The following SZT2 variants were observed in gnomAD, a reference collection of about 807,000 sequenced individuals.
SZT2 encodes SZT2 subunit of KICSTOR complex, also known as KICSTOR complex protein SZT2.
Under a neutral mutation model 404.2 loss-of-function variants are expected in SZT2, and 216 were observed. That is an observed-to-expected ratio of 0.53 (90% CI 0.48 to 0.60). SZT2 has a LOEUF of 0.60. Among genes scored for constraint, SZT2 ranks in the 20% least tolerant of loss-of-function variants. SZT2 has a pLI of 0.00. For missense variants in SZT2, 3,857 were observed against 4,459.2 expected (o/e 0.86, Z 3.85); for synonymous variants, 1,693 against 1,749.9 (o/e 0.97, Z 0.81).
Position 43,442,130 on chromosome 1 carries a change from G to A in SZT2, c.7873G>A (p.Ala2625Thr), listed in dbSNP as rs1655125095. 2.5e-6 allele frequency: 4 copies of A among 1,613,252 alleles called. No homozygotes were observed. The highest frequency in any genetic ancestry group is 3.4e-6 in the Non-Finnish European group (4 of 1,179,602). Reference protein sequence around the residue: ...FLQWRRPTQQAAKAMQRFEPG... With the variant: ...FLQWRRPTQQTAKAMQRFEPG... ...GCAGTGGAGGAGACCAACACAGCAG[G>A]GTGAGGGCATGGCCCGGGGGGGCGG... Residue 2625 changes from alanine to threonine, a missense_variant and splice_region_variant, in exon 56 of 72, where the codon GCT (alanine) becomes ACT (threonine). This residue lies in a region of SZT2 where 573 missense variants were observed against 592.4 expected (regional missense o/e 0.97). Transcript: ENST00000634258. The surrounding 1 kb of genome is among the most constrained non-coding windows in gnomAD (Gnocchi z 4.5).
chr1:43,422,563 C>T lies in SZT2; in HGVS notation c.1853C>T (p.Thr618Ile), dbSNP rs1160906609. 1.3e-6 allele frequency: 2 copies of T among 1,598,198 alleles called. No individual in the cohort carries two copies. The highest frequency in any genetic ancestry group is 1.1e-5 in the South Asian group (1 of 91,070). Residue 618 changes from threonine (T) to isoleucine (I), a missense_variant, in exon 13 of 72, where the codon ACC becomes ATC. This residue lies in a region of SZT2 where 1,725 missense variants were observed against 1,881.0 expected (regional missense o/e 0.92). Coordinates refer to ENST00000634258, the MANE Select transcript of SZT2 (RefSeq NM_001365999.1). ...IQCRISHSSL[T>I]SLLRDWSSFV... ...TGCAGGATCTCCCACTCCTCCCTGA[C>T]CTCTCTGCTGCGGGACTGGAGCAGC...
At chr1:43,404,769 G>A (rs752590078) in intron 4 of SZT2, 6 of 463,354 alleles carry the variant, frequency 1.3e-5, no homozygotes, top group African/African-American at 2.0e-5. Context: ...GTCAGTTGGT[G>A]TTGATTGGAC....
At chr1:43,403,885 G>A in intron 3 of SZT2, 111 bp downstream of exon 3, 3 of 1,240,172 alleles carry the variant, frequency 2.4e-6, no homozygotes, top group Non-Finnish European at 3.5e-6. Flanking sequence ...TTGGAGAGAA[G>A]ACAGGCTTAT....
intron 4 of SZT2, among the ~76,000 whole-genome samples, chr1:43,413,585 A>G (rs2153931255): frequency 6.6e-6 from 1 of 152,368 alleles, no homozygotes; most frequent in East Asian, 1.9e-4. Flanking sequence ...GATAAAGAAA[A>G]TGTGGTACAT....
chr1:43,451,050 T>G lies in SZT2; in HGVS notation c.*570T>G. The G allele has an allele frequency of 2.5e-6, 2 of 790,320 alleles. No homozygotes were observed. The highest frequency in any genetic ancestry group is 2.7e-5 in the South Asian group (2 of 74,196). The allele number at this position is 790,320 out of a possible 1,614,324, so 49.0% of individuals were successfully genotyped here. ...AGGTGGGTTCAGAAGCTCTCCCATC[T>G]TCACAGCAACCCTGGCACTGGCTTC... On this transcript the variant is annotated 3_prime_UTR_variant, in exon 72 of 72. Transcript: ENST00000634258.
intron 62 of SZT2, among the ~76,000 whole-genome samples, chr1:43,444,202 T>C (rs369816672): frequency 6.6e-6 from 1 of 152,152 alleles, no homozygotes. Flanking sequence ...GTTCGAGCAA[T>C]TCTTGTGCCT....
rs1253337104 is a variant in SZT2, at chr1:43,420,357, G to A, written c.1261+34G>A. 6.6e-7 allele frequency: 1 copy of A among 1,518,558 alleles called. No homozygotes were observed. Among genetic ancestry groups the A allele is most frequent in the Non-Finnish European group, 8.8e-7 (1 of 1,137,250 alleles). 94.1% of individuals were successfully genotyped at this position (1,518,558 alleles called of 1,614,324 possible). Reference sequence around the variant, plus strand: ...CATTAGGCCCTGCTGTAATCCCATAGATCTCTCAAGAATTTGTGTGTGGGA... The same window carrying A: ...CATTAGGCCCTGCTGTAATCCCATAAATCTCTCAAGAATTTGTGTGTGGGA... On this transcript the variant is annotated intron_variant, in intron 9 of 71. Coordinates refer to ENST00000634258, the MANE Select transcript of SZT2 (RefSeq NM_001365999.1). The surrounding 1 kb of genome is among the most constrained non-coding windows in gnomAD (Gnocchi z 5.1).
At position 43,448,738 on chromosome 1, in the gene SZT2, C is replaced by T; in HGVS notation, c.10086+10C>T. The T allele has an allele frequency of 3.1e-6, 5 of 1,610,166 alleles. No homozygotes were observed. The highest frequency in any genetic ancestry group is 1.3e-5 in the African/African-American group (1 of 74,990). On this transcript the variant is annotated intron_variant, in intron 70 of 71. Transcript: ENST00000634258. This position sits in a 1 kb window ranked among gnomAD's most constrained non-coding sequence, Gnocchi z 4.2. ...GGGAACTCAGTACCTGGTAAGTCCC[C>T]TTGAGCTTCCTCTGAAAAGGGAAAC...
chr1:43,418,070 A>G (rs1651911071), intron 7 of SZT2, among the ~76,000 whole-genome samples: 1 of 152,156 alleles, frequency 6.6e-6, no homozygotes, highest in Non-Finnish European at 1.5e-5. Flanking sequence ...GGTGATTAGG[A>G]GGTCACGGGG....
chr1:43,405,805 T>A (rs1416661959), intron 4 of SZT2: 1 of 152,270 alleles, frequency 6.6e-6, no homozygotes, highest in East Asian at 1.9e-4. Context: ...GCATGGATGT[T>A]AGGTAATCAC....
chr1:43,416,215 C>A, intron 6 of SZT2, 114 bp downstream of exon 6: 1 of 1,370,170 alleles, frequency 7.3e-7, no homozygotes, highest in Non-Finnish European at 9.8e-7. Context: ...GGAAGAGGAT[C>A]TGTTTCCTTG....
rs1220020126 is a variant in SZT2, at chr1:43,428,575, C to T, written c.4166+89C>T. The T allele has an allele frequency of 3.3e-6, 5 of 1,522,284 alleles. No individual in the cohort carries two copies. The East Asian group carries it at 9.0e-5, about 28-fold the overall frequency. The allele number at this position is 1,522,284 out of a possible 1,614,324, so 94.3% of individuals were successfully genotyped here. ...CTTCCAGTCCAGGGGAATGACTGTGCAAGGTAGTATCTAAGCACCTGAGAA... is the reference window on the plus strand; with the variant it reads ...CTTCCAGTCCAGGGGAATGACTGTGTAAGGTAGTATCTAAGCACCTGAGAA... On this transcript the variant is annotated intron_variant, in intron 28 of 71. Transcript: ENST00000634258.
chr1:43,393,360 T>G (rs981266990), intron 1 of SZT2, among the ~76,000 whole-genome samples: 7 of 152,226 alleles, frequency 4.6e-5, no homozygotes, highest in African/African-American at 1.7e-4. Flanking sequence ...AAATAAGCAC[T>G]TTTATTATCT....
chr1:43,423,838 G>GC (rs1652791124), intron 15 of SZT2, among the ~76,000 whole-genome samples: 1 of 151,146 alleles, frequency 6.6e-6, no homozygotes, highest in African/African-American at 2.4e-5. Context: ...GCGTGGCTTA[G>GC]CGAGGTATGA....
Position 43,437,666 on chromosome 1 carries a change from GA to G in SZT2, c.6364del (p.Ser2122AlafsTer17). On this transcript the variant is annotated frameshift_variant, in exon 45 of 72. Coordinates refer to ENST00000634258, the MANE Select transcript of SZT2 (RefSeq NM_001365999.1). LOFTEE classifies it high-confidence loss of function. This position sits in a 1 kb window ranked among gnomAD's most constrained non-coding sequence, Gnocchi z 5.3. ...DALPPSLALS[R>X]SQEPIYSEEA... Reference sequence around the variant, plus strand: ...CTGCCCCCTTCCCTCGCTCTGTCCCGAAGCCAAGAGCCCATCTACTCTGAGG... The same window carrying G: ...CTGCCCCCTTCCCTCGCTCTGTCCCGAGCCAAGAGCCCATCTACTCTGAGG... 1 of 1,614,018 alleles carries G rather than the reference GA, an allele frequency of 6.2e-7. No individual in the cohort carries two copies. Among genetic ancestry groups the G allele is most frequent in the Non-Finnish European group, 8.5e-7 (1 of 1,179,998 alleles).
rs188202088 is a variant in SZT2, at chr1:43,416,433, T to G, written c.773-102T>G. The G allele has an allele frequency of 1.7e-3, 1,472 of 890,302 alleles. 14 individuals are homozygous for G. In the African/African-American group the frequency reaches 0.022, roughly 13 times the overall value. The allele number at this position is 890,302 out of a possible 1,614,324, so 55.2% of individuals were successfully genotyped here. A position where few individuals can be genotyped will look rare whatever the true frequency, so the allele number is the denominator to read the frequency against. The stretch of plus-strand genomic sequence containing the variant: ...CAGTTTATGAAACTGCCGACATTGG[T>G]GGGAAGACACTGAGCCGTTCAGGAC... On this transcript the variant is annotated intron_variant, in intron 6 of 71. Coordinates refer to ENST00000634258, the MANE Select transcript of SZT2 (RefSeq NM_001365999.1).
chr1:43,396,135 GA>G (rs751998374), intron 1 of SZT2, among the ~76,000 whole-genome samples: 4 of 152,194 alleles, frequency 2.6e-5, no homozygotes, highest in Non-Finnish European at 5.9e-5. Flanking sequence ...GACCTCATTT[GA>G]GTATTATGTT....
In SZT2 at chr1:43,451,780, G is replaced by A; in HGVS notation, c.*1300G>A. The A allele has an allele frequency of 1.2e-6, 2 of 1,614,066 alleles. No homozygotes were observed. The highest frequency in any genetic ancestry group is 1.7e-6 in the Non-Finnish European group (2 of 1,179,982). ...CCCCGCCCTCCTTCCGATCTGCGAA[G>A]TACCCCCTTCCACTTACCATTTGTA... On this transcript the variant is annotated 3_prime_UTR_variant, in exon 72 of 72. Coordinates refer to ENST00000634258, the MANE Select transcript of SZT2 (RefSeq NM_001365999.1).
chr1:43,445,492 C>T (rs1180957438), intron 62 of SZT2: 1 of 51,498 alleles, frequency 1.9e-5, no homozygotes, highest in African/African-American at 8.6e-5. Context: ...GAACTGCCAT[C>T]CCCCCCAATC....
Sources: allele counts gnomAD v4.1 joint callset (sites outside exome capture counted in the v4.1 genomes callset), GRCh38; gene constraint gnomAD v4.1.1; regional missense constraint gnomAD v4.1.1; non-coding constraint Gnocchi (gnomAD v3.1); transcripts MANE v1.5; gene names NCBI Gene and HGNC (gene_info 2026-07-23, HGNC 2026-07-21).